Variants in NFATC2 observed in about 807,000 individuals in gnomAD.
NFATC2 encodes nuclear factor of activated T cells 2.
Under a neutral mutation model 87.3 loss-of-function variants are expected in NFATC2, and 22 were observed. The observed-to-expected ratio is 0.25, with a 90% CI of 0.18 to 0.36. NFATC2 has a LOEUF of 0.36. Among genes scored for constraint, NFATC2 ranks in the 10% least tolerant of loss-of-function variants. NFATC2 has a pLI of 1.00. For missense variants in NFATC2, 1,149 were observed against 1,259.1 expected, an observed-to-expected ratio of 0.91 and a Z score of 1.32; for synonymous variants, 565 against 542.2, an observed-to-expected ratio of 1.04 and a Z score of -0.58.
chr20:51,395,021 C>T (rs1986854644), intron 10 of NFATC2, among the ~76,000 whole-genome samples: 1 of 152,212 alleles, frequency 6.6e-6, no homozygotes, highest in Non-Finnish European at 1.5e-5. Context: ...CCTGCACCAT[C>T]AGTCTAGGTC....
intron 9 of NFATC2, among the ~76,000 whole-genome samples, chr20:51,425,844 T>C (rs1981739070): frequency 1.3e-5 from 2 of 152,166 alleles, no homozygotes; most frequent in South Asian, 2.1e-4. Flanking sequence ...AGCACATCCA[T>C]GGCCCCTCTG....
At chr20:51,504,569 CTGT>C (rs2076145333) in intron 3 of NFATC2, among the ~76,000 whole-genome samples, 1 of 152,230 alleles carries the variant, frequency 6.6e-6, no homozygotes, top group Non-Finnish European at 1.5e-5. Context: ...CAAACACCAC[CTGT>C]TCCTCAAAAA....
At chr20:51,400,704 A>G (rs1381497848) in intron 9 of NFATC2, among the ~76,000 whole-genome samples, 1 of 152,154 alleles carries the variant, frequency 6.6e-6, no homozygotes, top group East Asian at 1.9e-4. Context: ...GGCCACCGCC[A>G]AACACCCTCC....
intron 1 of NFATC2, among the ~76,000 whole-genome samples, chr20:51,549,807 G>C (rs570116094): frequency 1.3e-5 from 2 of 152,226 alleles, no homozygotes; most frequent in Non-Finnish European, 2.9e-5. Context: ...GTGACATGCA[G>C]AGTCACACGG....
intron 1 of NFATC2, among the ~76,000 whole-genome samples, chr20:51,538,996 G>C (rs1274269319): frequency 2.0e-5 from 3 of 152,150 alleles, no homozygotes; most frequent in Non-Finnish European, 4.4e-5. Flanking sequence ...AGAACACATG[G>C]TATGGAGCAA....
intron 6 of NFATC2, among the ~76,000 whole-genome samples, chr20:51,442,523 C>G (rs761258926): frequency 2.6e-5 from 4 of 152,152 alleles, no homozygotes; most frequent in Non-Finnish European, 1.5e-5. Context: ...CTTTGTAAGT[C>G]TATTCTTAAG....
Position 51,446,594 on chromosome 20 carries a change from C to A in NFATC2, c.1849+7954G>T, listed in dbSNP as rs6096435. On this transcript the variant is annotated intron_variant, in intron 6 of 10. Transcript: ENST00000371564. ...GAGTGTTCTAACTAAAAACTCATTT[C>A]TCTGTGGCCTCCTTCAAATGGATGC... is the stretch of plus-strand genomic sequence containing the variant. 9.0e-3 allele frequency among the ~76,000 whole-genome samples: 1,376 copies of A among 152,326 alleles called. 26 individuals are homozygous for A. Among genetic ancestry groups the A allele is most frequent in the African/African-American group, 0.031 (1,283 of 41,568 alleles).
At chr20:51,494,124 T>C (rs2075947847) in intron 3 of NFATC2, among the ~76,000 whole-genome samples, 2 of 151,976 alleles carry the variant, frequency 1.3e-5, no homozygotes, top group Admixed American at 6.6e-5. Context: ...CTCAGGCAGC[T>C]CGGTCACCGT....
intron 9 of NFATC2, among the ~76,000 whole-genome samples, chr20:51,427,154 C>T (rs1316555472): frequency 6.6e-6 from 1 of 152,108 alleles, no homozygotes; most frequent in African/African-American, 2.4e-5. Context: ...GGCTGAGTCT[C>T]TGGGCAGCTG....
intron 3 of NFATC2, among the ~76,000 whole-genome samples, chr20:51,491,624 G>C (rs775497967): frequency 6.6e-6 from 1 of 152,042 alleles, no homozygotes; most frequent in Non-Finnish European, 1.5e-5. Context: ...GTGGATACAC[G>C]GATGCCTATG....
At chr20:51,391,526 C>G in intron 10 of NFATC2, 75 bp from the exon 11 acceptor site, 1 of 1,478,752 alleles carries the variant, frequency 6.8e-7, no homozygotes, top group Non-Finnish European at 9.4e-7. Context: ...GCATCAGGTT[C>G]ACTTTCTAGA....
rs756932165 is a variant in NFATC2, at chr20:51,435,238, A to T, written c.1982T>A (p.Ile661Asn). Residue 661 changes from isoleucine (I) to asparagine (N), a missense_variant, in exon 8 of 11, where the codon ATC becomes AAC. Ile to Asn is a moderately radical substitution (Grantham distance 149). This residue lies in a region of NFATC2 where 581 missense variants were observed against 649.7 expected (regional missense o/e 0.89). Transcript: ENST00000371564. ...CTGACTTCGTTTTCTCTTCCCATTG[A>T]TGACGTAGAAGTTCACTTTTACAGG... ...RTPVKVNFYV[I>N]NGKRKRSQPQ... The T allele has an allele frequency of 1.2e-6, 2 of 1,614,162 alleles. No homozygotes were observed. Among genetic ancestry groups the T allele is most frequent in the Non-Finnish European group, 1.7e-6 (2 of 1,180,022 alleles).
At chr20:51,438,443 G>A (rs201266116) in intron 6 of NFATC2, among the ~76,000 whole-genome samples, 44 of 138,976 alleles carry the variant, frequency 3.2e-4, no homozygotes, top group South Asian at 4.7e-4. Flanking sequence ...AGCTTGCTTT[G>A]AAAAAAAAAA....
At chr20:51,396,147 G>C (rs1320256058) in intron 10 of NFATC2, among the ~76,000 whole-genome samples, 1 of 145,882 alleles carries the variant, frequency 6.9e-6, no homozygotes, top group African/African-American at 2.5e-5. Flanking sequence ...GCTTTTTGAG[G>C]GTGGCAATCT....
chr20:51,472,111 C>T (rs1437328067), intron 5 of NFATC2, among the ~76,000 whole-genome samples: 1 of 152,090 alleles, frequency 6.6e-6, no homozygotes, highest in Admixed American at 6.5e-5. Context: ...AACAATTAGC[C>T]AGGCGTGGTA....
intron 9 of NFATC2, among the ~76,000 whole-genome samples, chr20:51,413,002 C>G (rs1160618162): frequency 2.2e-5 from 3 of 137,012 alleles, no homozygotes; most frequent in African/African-American, 8.1e-5. Flanking sequence ...CGCCGCCCCC[C>G]CCCCTCCCCG....
chr20:51,486,136 G>A (rs942416872), intron 3 of NFATC2, among the ~76,000 whole-genome samples: 3 of 151,972 alleles, frequency 2.0e-5, no homozygotes, highest in Non-Finnish European at 4.4e-5. Flanking sequence ...GCTTGAACCC[G>A]GGAGGCAGAG....
intron 1 of NFATC2, among the ~76,000 whole-genome samples, chr20:51,556,831 A>G (rs1209633265): frequency 6.6e-6 from 1 of 152,220 alleles, no homozygotes; most frequent in Middle Eastern, 3.4e-3. Context: ...CCACCCAGAG[A>G]AGCTCTGAGG....
chr20:51,542,154 A>G (rs2076829079), intron 1 of NFATC2, among the ~76,000 whole-genome samples: 1 of 152,068 alleles, frequency 6.6e-6, no homozygotes. Flanking sequence ...GAGCAACCAG[A>G]AACTGGTGCC....
Sources: allele counts gnomAD v4.1 joint callset (sites outside exome capture counted in the v4.1 genomes callset), GRCh38; gene constraint gnomAD v4.1.1; regional missense constraint gnomAD v4.1.1; transcripts MANE v1.5; gene names NCBI Gene and HGNC (gene_info 2026-07-23, HGNC 2026-07-21).